BEND3: variants seen among roughly 807,000 people sequenced by gnomAD.
The protein encoded by BEND3 is BEN domain-containing protein 3.
In BEND3, 13 loss-of-function variants were observed where a neutral mutation model predicts 60.1. The observed-to-expected ratio is 0.22, with a 90% confidence interval of 0.14 to 0.34. BEND3 has a LOEUF of 0.34. BEND3 is among the 10% of genes least tolerant of loss of function. The probability of loss-of-function intolerance (pLI) is 1.00; values close to 1 mark genes in which losing one functional copy is unlikely to be tolerated. For synonymous variants in BEND3, 497 were observed against 491.5 expected (o/e 1.01, Z -0.15); for missense variants, 896 against 1,138.1 (o/e 0.79, Z 3.06).
chr6:107,105,445 G>A (rs535445224), intron 1 of BEND3, among the ~76,000 whole-genome samples: 1 of 152,166 alleles, frequency 6.6e-6, no homozygotes, highest in East Asian at 1.9e-4. Flanking sequence ...CGGTTGATCA[G>A]GATCACTGGC....
chr6:107,094,762 G>C (rs1775549465), intron 3 of BEND3, among the ~76,000 whole-genome samples: 2 of 151,224 alleles, frequency 1.3e-5, no homozygotes, highest in South Asian at 4.2e-4. Context: ...GTCTGAAAGA[G>C]GAGGATCCCT....
At chr6:107,097,931 T>C (rs1554236231) in intron 3 of BEND3, among the ~76,000 whole-genome samples, 1 of 151,812 alleles carries the variant, frequency 6.6e-6, no homozygotes, top group African/African-American at 2.4e-5. Flanking sequence ...AATTAAAGCC[T>C]AACCAAATCC....
At chr6:107,113,156 A>G (rs1489361288) in intron 1 of BEND3, among the ~76,000 whole-genome samples, 3 of 130,610 alleles carry the variant, frequency 2.3e-5, no homozygotes, top group African/African-American at 3.6e-5. Context: ...GACTCTGTCT[A>G]AAAAAAAAAA....
In BEND3 at chr6:107,077,619, A is replaced by G. The variant is rs376933980; in HGVS notation, c.241-6669T>C. On this transcript the variant is annotated intron_variant, in intron 3 of 3. Coordinates refer to ENST00000369042, the MANE Select transcript of BEND3 (RefSeq NM_001367314.1). Reference sequence around the variant, plus strand: ...CAACTATAATGAAGGGAAAAGAGGAAGAACAGAAGACCTAGCAAGATATGA... The same window carrying G: ...CAACTATAATGAAGGGAAAAGAGGAGGAACAGAAGACCTAGCAAGATATGA... 8.5e-5 allele frequency among the ~76,000 whole-genome samples: 13 copies of G among 152,368 alleles called. No homozygotes were observed. In the East Asian group the frequency reaches 1.2e-3, roughly 14 times the overall value.
chr6:107,098,511 T>C (rs1775634676), intron 3 of BEND3, 40 bp downstream of exon 3: 1 of 1,595,948 alleles, frequency 6.3e-7, no homozygotes, highest in South Asian at 1.1e-5. Flanking sequence ...TCAGAGAGGG[T>C]TAGAGCCCAA....
chr6:107,086,167 C>G (rs782229489), intron 3 of BEND3, among the ~76,000 whole-genome samples: 2 of 152,160 alleles, frequency 1.3e-5, no homozygotes, highest in African/African-American at 2.4e-5. Flanking sequence ...CAGAGCCTAA[C>G]TGACCAGAAG....
intron 3 of BEND3, among the ~76,000 whole-genome samples, chr6:107,084,967 G>A (rs561892738): frequency 6.6e-6 from 1 of 152,176 alleles, no homozygotes; most frequent in South Asian, 2.1e-4. Context: ...TTGTTCTCTC[G>A]CTCTTCACAA....
At position 107,113,234 on chromosome 6, in the gene BEND3, G is replaced by A. The variant is rs192237039; in HGVS notation, c.-12+1856C>T. Among the ~76,000 whole-genome samples, 581 of 151,272 alleles carry A rather than the reference G, an allele frequency of 3.8e-3. 4 individuals carry two copies. Among genetic ancestry groups the A allele is most frequent in the African/African-American group, 0.013 (550 of 41,224 alleles). ...AGGCAGGCAGATCACCTGAGGTCCG[G>A]AAACCAGCCTGGGCAACATGGTGAA... On this transcript the variant is annotated intron_variant, in intron 1 of 3. Transcript: ENST00000369042.
At chr6:107,098,406 A>G (rs1775631948) in intron 3 of BEND3, 145 bp downstream of exon 3, 1 of 779,838 alleles carries the variant, frequency 1.3e-6, no homozygotes, top group Non-Finnish European at 2.0e-6. Context: ...GAGAAACTGA[A>G]GCCAGAGATG....
At chr6:107,098,097 G>A (rs1272057625) in intron 3 of BEND3, among the ~76,000 whole-genome samples, 1 of 151,962 alleles carries the variant, frequency 6.6e-6, no homozygotes, top group African/African-American at 2.4e-5. Context: ...ATCACTTGAG[G>A]CCAGGAGTTC....
intron 1 of BEND3, among the ~76,000 whole-genome samples, chr6:107,104,724 A>G (rs2115033981): frequency 6.6e-6 from 1 of 151,148 alleles, no homozygotes; most frequent in East Asian, 1.9e-4. Flanking sequence ...GCTGCAGTGC[A>G]GTGGTATGAT....
At chr6:107,086,896 A>C (rs1241968579) in intron 3 of BEND3, among the ~76,000 whole-genome samples, 1 of 147,234 alleles carries the variant, frequency 6.8e-6, no homozygotes, top group African/African-American at 2.5e-5. Flanking sequence ...ATGGTTGTAC[A>C]CGCCTGTAGT....
chr6:107,076,914 C>A (rs1779404169), intron 3 of BEND3, among the ~76,000 whole-genome samples: 1 of 152,028 alleles, frequency 6.6e-6, no homozygotes, highest in South Asian at 2.1e-4. Flanking sequence ...CTCACTGCAA[C>A]CTTCGCCATC....
intron 3 of BEND3, among the ~76,000 whole-genome samples, chr6:107,077,365 C>G (rs782695659): frequency 6.6e-6 from 1 of 152,076 alleles, no homozygotes; most frequent in Non-Finnish European, 1.5e-5. Context: ...CAGGGGAGTT[C>G]TGACCTGCTC....
intron 1 of BEND3, among the ~76,000 whole-genome samples, chr6:107,112,276 G>C (rs1354018935): frequency 6.6e-6 from 1 of 152,108 alleles, no homozygotes; most frequent in African/African-American, 2.4e-5. Context: ...ACCTGTGTCA[G>C]GGCTCACTCC....
Position 107,066,799 on chromosome 6 carries a change from G to A in BEND3, c.*1905C>T, listed in dbSNP as rs1351389746. The A allele has an allele frequency of 1.3e-5, 2 of 152,634 alleles. No homozygotes were observed. The highest frequency in any genetic ancestry group is 4.8e-5 in the African/African-American group (2 of 41,434). 9.5% of individuals were successfully genotyped at this position (152,634 alleles called of 1,614,324 possible). On this transcript the variant is annotated 3_prime_UTR_variant, in exon 4 of 4. Coordinates refer to ENST00000369042, the MANE Select transcript of BEND3 (RefSeq NM_001367314.1). ...GTGCATGCTGTGTGCATGTGCTGGA[G>A]AGACTAAGGCATAGAGAAGGGCCCA...
chr6:107,102,322 T>C (rs1222286579), intron 1 of BEND3, among the ~76,000 whole-genome samples: 1 of 152,122 alleles, frequency 6.6e-6, no homozygotes, highest in Non-Finnish European at 1.5e-5. Flanking sequence ...ATTTTCTGAT[T>C]TTTTATTTTT....
At chr6:107,100,849 AAC>A (rs1775688510) in intron 1 of BEND3, among the ~76,000 whole-genome samples, 1 of 152,228 alleles carries the variant, frequency 6.6e-6, no homozygotes, top group African/African-American at 2.4e-5. Context: ...GCTGACTACA[AAC>A]ACAGAGTTCT....
intron 3 of BEND3, among the ~76,000 whole-genome samples, chr6:107,073,258 T>TGAGC (rs1775028922): frequency 3.7e-5 from 1 of 27,280 alleles, no homozygotes; most frequent in African/African-American, 1.1e-4. Context: ...TATATATATA[T>TGAGC]ATATATGTAT....
Sources: gnomAD v4.1 joint callset for allele counts (sites outside exome capture counted in the v4.1 genomes callset) on GRCh38, gnomAD v4.1.1 for gene constraint, MANE v1.5 for transcripts, NCBI Gene and HGNC (gene_info 2026-07-23, HGNC 2026-07-21) for gene names.